The following PHF14 variants were observed in gnomAD, a reference collection of about 807,000 sequenced individuals.
The protein encoded by PHF14 is PHD finger protein 14.
Under a neutral mutation model 117.9 loss-of-function variants are expected in PHF14, and 55 were observed. The ratio of observed to expected loss-of-function variants is 0.47; its 90% confidence interval spans 0.38 to 0.58. PHF14 has a LOEUF of 0.58. Among genes scored for constraint, PHF14 ranks in the 20% least tolerant of loss-of-function variants. PHF14 has a pLI of 0.00. For synonymous variants in PHF14, 409 were observed against 368.6 expected (o/e 1.11, Z -1.26); for missense variants, 978 against 1,122.2 (o/e 0.87, Z 1.84).
rs111469776 is a variant in PHF14, at chr7:11,001,437, C to G, written c.1045+10590C>G. Among the ~76,000 whole-genome samples the G allele has an allele frequency of 5.1e-4, 78 of 152,038 alleles. 5 individuals are homozygous for G. Among genetic ancestry groups the G allele is most frequent in the African/African-American group, 1.8e-3 (76 of 41,464 alleles). On this transcript the variant is annotated intron_variant, in intron 4 of 17. Transcript: ENST00000634607. ...GTTTGCAGTATCTACAAAATTACAT[C>G]CTGGAATTTTGATTGGGATTTTATT... is the stretch of plus-strand genomic sequence containing the variant.
chr7:10,999,917 G>T (rs1782801198), intron 4 of PHF14, among the ~76,000 whole-genome samples: 2 of 152,146 alleles, frequency 1.3e-5, no homozygotes, highest in African/African-American at 4.8e-5. Flanking sequence ...ATATTTTTGA[G>T]ACTTTGCTAA....
intron 17 of PHF14, 148 bp downstream of exon 17, chr7:11,111,615 A>T: frequency 1.0e-4 from 46 of 452,318 alleles, no homozygotes; most frequent in East Asian, 1.8e-4. Context: ...TGCTATGGTT[A>T]TTTTCTTGCT....
At chr7:11,064,548 A>G (rs1039642756) in intron 16 of PHF14, among the ~76,000 whole-genome samples, 7 of 152,102 alleles carry the variant, frequency 4.6e-5, no homozygotes, top group Admixed American at 2.6e-4. Flanking sequence ...TTTTAAACTG[A>G]TGTTTATATC....
intron 16 of PHF14, among the ~76,000 whole-genome samples, chr7:11,102,175 AC>A (rs1427891107): frequency 6.6e-6 from 1 of 151,914 alleles, no homozygotes; most frequent in Admixed American, 6.6e-5. Context: ...TTTTATAAAT[AC>A]AAGCCCTTCA....
intron 6 of PHF14, among the ~76,000 whole-genome samples, chr7:11,026,154 A>C (rs546334031): frequency 6.6e-6 from 1 of 151,440 alleles, no homozygotes; most frequent in South Asian, 2.1e-4. Flanking sequence ...CAGCCACTCC[A>C]ACTTTCAGCA....
At chr7:11,077,453 T>A (rs1292524445) in intron 16 of PHF14, among the ~76,000 whole-genome samples, 34 of 151,928 alleles carry the variant, frequency 2.2e-4, no homozygotes, top group Admixed American at 2.2e-3. Context: ...ATACAAAAAT[T>A]AGCCGGGTGT....
At chr7:11,129,746 C>G (rs1788038189) in intron 17 of PHF14, among the ~76,000 whole-genome samples, 1 of 151,724 alleles carries the variant, frequency 6.6e-6, no homozygotes, top group African/African-American at 2.4e-5. Flanking sequence ...TAAGATGAGA[C>G]ATAAATCTTG....
At chr7:11,154,059 G>T (rs1788777129) in intron 17 of PHF14, among the ~76,000 whole-genome samples, 1 of 151,888 alleles carries the variant, frequency 6.6e-6, no homozygotes, top group African/African-American at 2.4e-5. Context: ...CGCCGGTAGG[G>T]TCTACCATGA....
intron 17 of PHF14, among the ~76,000 whole-genome samples, chr7:11,148,619 T>G (rs1257333543): frequency 2.0e-5 from 3 of 152,178 alleles, no homozygotes; most frequent in Non-Finnish European, 4.4e-5. Flanking sequence ...CCTGTCTCTG[T>G]TGAAATTGAA....
At chr7:11,056,253 C>A (rs1269529338) in intron 14 of PHF14, among the ~76,000 whole-genome samples, 1 of 152,028 alleles carries the variant, frequency 6.6e-6, no homozygotes, top group African/African-American at 2.4e-5. Flanking sequence ...TTTATTTATT[C>A]CCAGGAGTAT....
In PHF14 at chr7:11,008,214, G is replaced by A. The variant is rs569284516; in HGVS notation, c.1046-5533G>A. 4.6e-5 allele frequency among the ~76,000 whole-genome samples: 7 copies of A among 152,318 alleles called. No individual in the cohort carries two copies. In the South Asian group the frequency reaches 1.0e-3, roughly 23 times the overall value. On this transcript the variant is annotated intron_variant, in intron 4 of 17. Transcript: ENST00000634607. Reference sequence around the variant, plus strand: ...CCCCCTATTTATTTTTCAGTTTACTGTTAGCCTAGCCCAAGGCCATTTTTG... The same window carrying A: ...CCCCCTATTTATTTTTCAGTTTACTATTAGCCTAGCCCAAGGCCATTTTTG...
chr7:10,991,674 AGTGTTTCTTTAAAG>A (rs1782456668), intron 4 of PHF14, among the ~76,000 whole-genome samples: 2 of 151,742 alleles, frequency 1.3e-5, no homozygotes, highest in South Asian at 4.1e-4. Context: ...TATGAAAATC[AGTGTTTCTTTAAAG>A]GTCGGTGTTC....
At chr7:11,034,539 A>AT (rs56043099) in intron 7 of PHF14, among the ~76,000 whole-genome samples, 8,036 of 63,078 alleles carry the variant, frequency 0.13, 2,367 homozygotes, top group African/African-American at 0.28. Flanking sequence ...TCTTAATTCT[A>AT]TTTTTTTTTT....
intron 17 of PHF14, among the ~76,000 whole-genome samples, chr7:11,128,079 T>G (rs1205961756): frequency 6.6e-6 from 1 of 152,082 alleles, no homozygotes; most frequent in African/African-American, 2.4e-5. Context: ...CTTCTCAAGA[T>G]TCACTGTATT....
At chr7:11,036,385 A>G (rs774204720) in intron 8 of PHF14, 33 bp from the exon 9 acceptor site, 4 of 1,501,734 alleles carry the variant, frequency 2.7e-6, no homozygotes, top group Non-Finnish European at 3.6e-6. Flanking sequence ...TCATTTTATT[A>G]TCTTTTAAAA....
intron 16 of PHF14, among the ~76,000 whole-genome samples, chr7:11,098,532 C>A (rs559597477): frequency 6.6e-6 from 1 of 152,166 alleles, no homozygotes; most frequent in Non-Finnish European, 1.5e-5. Flanking sequence ...TTCCCCCAAC[C>A]TTCTGGCTCG....
At chr7:11,064,068 C>G (rs775137201) in intron 16 of PHF14, among the ~76,000 whole-genome samples, 7 of 151,700 alleles carry the variant, frequency 4.6e-5, no homozygotes, top group Non-Finnish European at 8.8e-5. Context: ...TTTATTGGTA[C>G]TATATTTTAA....
intron 17 of PHF14, 113 bp downstream of exon 17, chr7:11,111,580 T>A: frequency 1.7e-6 from 1 of 594,130 alleles, no homozygotes; most frequent in Non-Finnish European, 3.0e-6. Flanking sequence ...ACCAACATTT[T>A]AACCAGTACA....
At chr7:11,076,686 G>A (rs1224903048) in intron 16 of PHF14, among the ~76,000 whole-genome samples, 1 of 150,050 alleles carries the variant, frequency 6.7e-6, no homozygotes, top group African/African-American at 2.4e-5. Flanking sequence ...TCCTGCCTCA[G>A]CCTCCTGAGT....
Sources: allele counts gnomAD v4.1 joint callset (sites outside exome capture counted in the v4.1 genomes callset), GRCh38; gene constraint gnomAD v4.1.1; transcripts MANE v1.5; gene names NCBI Gene and HGNC (gene_info 2026-07-23, HGNC 2026-07-21).